The following GTF2I variants were observed in gnomAD, a reference collection of about 807,000 sequenced individuals.
GTF2I encodes the protein general transcription factor II-I.
A neutral mutation model predicts 67.6 loss-of-function variants in GTF2I; 12 were observed. The ratio of observed to expected loss-of-function variants is 0.18; its 90% CI spans 0.11 to 0.29. The LOEUF is 0.29. Among genes scored for constraint, GTF2I ranks in the 10% least tolerant of loss-of-function variants. The pLI is 1.00. For missense variants in GTF2I, 271 were observed against 580.1 expected (o/e 0.47, Z 5.47); for synonymous variants, 149 against 197.0 (o/e 0.76, Z 2.04).
intron 24 of GTF2I, 111 bp from the exon 25 acceptor site, chr7:74,748,914 C>CAA: frequency 3.0e-5 from 10 of 337,588 alleles, no homozygotes; most frequent in East Asian, 8.1e-5. Flanking sequence ...TCTGTCTCAA[C>CAA]AAAAAAAAAA....
At chr7:74,688,370 C>G (rs949600443) in intron 1 of GTF2I, among the ~76,000 whole-genome samples, 1 of 152,128 alleles carries the variant, frequency 6.6e-6, no homozygotes, top group Admixed American at 6.6e-5. Flanking sequence ...TGAGCCACCA[C>G]GCCTGGCCAG....
chr7:74,709,380 C>T (rs1035183362), intron 8 of GTF2I, among the ~76,000 whole-genome samples: 17 of 152,178 alleles, frequency 1.1e-4, no homozygotes, highest in Non-Finnish European at 2.4e-4. Context: ...TCCCGAGCAG[C>T]TGGGATTACA....
At chr7:74,691,449 G>T (rs1466108902) in intron 3 of GTF2I, among the ~76,000 whole-genome samples, 3 of 152,148 alleles carry the variant, frequency 2.0e-5, no homozygotes, top group African/African-American at 7.2e-5. Flanking sequence ...CAGGTGATCT[G>T]CCCACCTTGG....
At chr7:74,696,546 G>A (rs1185182129) in intron 3 of GTF2I, among the ~76,000 whole-genome samples, 1 of 150,846 alleles carries the variant, frequency 6.6e-6, no homozygotes, top group East Asian at 2.0e-4. Flanking sequence ...AGGCTAGAGT[G>A]CAGTGGCACG....
At chr7:74,664,843 A>G (rs782103765) in intron 1 of GTF2I, among the ~76,000 whole-genome samples, 1 of 152,200 alleles carries the variant, frequency 6.6e-6, no homozygotes, top group Non-Finnish European at 1.5e-5. Context: ...TAGCGACACA[A>G]GTTTGAAGTC....
intron 1 of GTF2I, among the ~76,000 whole-genome samples, chr7:74,662,044 A>C (rs1160184111): frequency 2.6e-5 from 4 of 151,820 alleles, no homozygotes; most frequent in Non-Finnish European, 4.4e-5. Flanking sequence ...GTTGGGGAGC[A>C]TTGTGTGCTG....
At chr7:74,735,653 C>CTT in intron 17 of GTF2I, 121 bp downstream of exon 17, 6 of 451,024 alleles carry the variant, frequency 1.3e-5, no homozygotes, top group South Asian at 2.1e-5. Context: ...TTAGTTTTCC[C>CTT]TGTTTTTTTT....
intron 3 of GTF2I, among the ~76,000 whole-genome samples, chr7:74,691,996 C>A (rs1554397166): frequency 6.7e-6 from 1 of 150,144 alleles, no homozygotes; most frequent in Non-Finnish European, 1.5e-5. Flanking sequence ...AAGTTGGTCT[C>A]AAACTCCTGA....
chr7:74,711,324 G>T (rs1202409077), intron 9 of GTF2I, among the ~76,000 whole-genome samples: 1 of 152,114 alleles, frequency 6.6e-6, no homozygotes, highest in Non-Finnish European at 1.5e-5. Flanking sequence ...ATAGCCATTT[G>T]TGTTCTTAAA....
At chr7:74,659,090 A>T (rs1311316589) in intron 1 of GTF2I, among the ~76,000 whole-genome samples, 1 of 151,756 alleles carries the variant, frequency 6.6e-6, no homozygotes, top group Non-Finnish European at 1.5e-5. Context: ...TCCTTTTTTT[A>T]AAAAAAATTA....
At chr7:74,680,099 A>AAAAATATATATATATATATATATATAT in intron 1 of GTF2I, among the ~76,000 whole-genome samples, 1 of 94,964 alleles carries the variant, frequency 1.1e-5, no homozygotes, top group Non-Finnish European at 2.1e-5. Flanking sequence ...AAAAAAAAAA[A>AAAAATATATATATATATATATATATAT]ATATATATAT....
intron 1 of GTF2I, among the ~76,000 whole-genome samples, chr7:74,688,526 C>T (rs587771161): frequency 1.8e-4 from 27 of 151,974 alleles, no homozygotes; most frequent in Non-Finnish European, 1.5e-4. Flanking sequence ...CTGCGATCTC[C>T]GCTCACTGCA....
chr7:74,668,067 C>T (rs1805136415), intron 1 of GTF2I, among the ~76,000 whole-genome samples: 1 of 151,236 alleles, frequency 6.6e-6, no homozygotes, highest in Non-Finnish European at 1.5e-5. Context: ...CTCCTGACCT[C>T]ATGATCCACT....
chr7:74,713,719 C>G (rs1442619690), intron 9 of GTF2I, among the ~76,000 whole-genome samples: 3 of 152,106 alleles, frequency 2.0e-5, no homozygotes, highest in African/African-American at 7.2e-5. Context: ...TTGTGAAGAG[C>G]AACTAAAGCA....
intron 1 of GTF2I, among the ~76,000 whole-genome samples, chr7:74,668,605 A>C (rs1442991513): frequency 2.0e-5 from 3 of 151,364 alleles, no homozygotes; most frequent in Non-Finnish European, 4.4e-5. Flanking sequence ...ATGGAGTCTC[A>C]CTCTGTCACC....
intron 2 of GTF2I, among the ~76,000 whole-genome samples, 193 bp from the exon 3 acceptor site, chr7:74,690,780 T>C (rs587704199): frequency 1.3e-5 from 2 of 152,310 alleles, no homozygotes; most frequent in East Asian, 3.9e-4. Flanking sequence ...ATCTGACCTA[T>C]AAGAGATTAC....
At chr7:74,673,831 C>G (rs904539642) in intron 1 of GTF2I, among the ~76,000 whole-genome samples, 2 of 151,736 alleles carry the variant, frequency 1.3e-5, no homozygotes, top group Middle Eastern at 3.2e-3. Context: ...CAGGCACCCA[C>G]CACCACACCC....
At chr7:74,666,459 G>T (rs1456085455) in intron 1 of GTF2I, among the ~76,000 whole-genome samples, 1 of 152,134 alleles carries the variant, frequency 6.6e-6, no homozygotes, top group Admixed American at 6.6e-5. Flanking sequence ...AAAGGGCAGA[G>T]AAATAGACCC....
chr7:74,657,980 T>C lies in GTF2I; in HGVS notation c.-94T>C, dbSNP rs1269521047. ...GCCAGCTCCCCTCAGCCGAGGCTGCTCCGCGGCGGCCGCAGCCCGCGCGCG... is the reference window on the plus strand; with the variant it reads ...GCCAGCTCCCCTCAGCCGAGGCTGCCCCGCGGCGGCCGCAGCCCGCGCGCG... On this transcript the variant is annotated 5_prime_UTR_variant, in exon 1 of 35. Coordinates refer to ENST00000573035, the MANE Select transcript of GTF2I (RefSeq NM_032999.4). 1 of 151,558 alleles carries C rather than the reference T, an allele frequency of 6.6e-6. No individual in the cohort carries two copies. 9.4% of individuals were successfully genotyped at this position (151,558 alleles called of 1,614,324 possible). A position where few individuals can be genotyped will look rare whatever the true frequency, so the allele number is the denominator to read the frequency against.
Sources: allele counts gnomAD v4.1 joint callset (sites outside exome capture counted in the v4.1 genomes callset), GRCh38; gene constraint gnomAD v4.1.1; transcripts MANE v1.5; gene names NCBI Gene and HGNC (gene_info 2026-07-23, HGNC 2026-07-21).